Variants in SMYD3 observed in about 807,000 individuals in gnomAD.
SMYD3 encodes histone-lysine N-methyltransferase SMYD3.
In SMYD3, 36 loss-of-function variants were observed where a neutral mutation model predicts 57.7. The ratio of observed to expected loss-of-function variants is 0.62; its 90% CI spans 0.48 to 0.82. SMYD3 has a LOEUF of 0.82. Among genes scored for constraint, SMYD3 ranks in the 40% least tolerant of loss-of-function variants. The pLI is 0.00. For missense variants in SMYD3, 515 were observed against 538.8 expected (o/e 0.96, Z 0.44); for synonymous variants, 211 against 195.0 (o/e 1.08, Z -0.68).
rs112196022 is a variant in SMYD3 at position 246,146,707 on chromosome 1, T to A, written c.531+180494A>T. Among the ~76,000 whole-genome samples, 97 of 152,114 alleles carry A rather than the reference T, an allele frequency of 6.4e-4. 1 individual carries two copies. The highest frequency in any genetic ancestry group is 2.3e-3 in the African/African-American group (95 of 41,460). ...AGAAAGGAGGCAAACTGCCCAGGAA[T>A]CTAATAATGGGGCCTACACACCCAT... On this transcript the variant is annotated intron_variant, in intron 5 of 11. Coordinates refer to ENST00000490107, the MANE Select transcript of SMYD3 (RefSeq NM_001167740.2).
intron 5 of SMYD3, among the ~76,000 whole-genome samples, chr1:246,275,733 T>G (rs75092053): frequency 6.6e-6 from 1 of 151,316 alleles, no homozygotes; most frequent in African/African-American, 2.4e-5. Flanking sequence ...TTATTTAATG[T>G]CTCTAGTGGA....
chr1:246,250,040 C>T (rs2148497230), intron 5 of SMYD3, among the ~76,000 whole-genome samples: 1 of 152,244 alleles, frequency 6.6e-6, no homozygotes, highest in South Asian at 2.1e-4. Context: ...CAAACGCATT[C>T]CTTTCCCTCC....
intron 5 of SMYD3, among the ~76,000 whole-genome samples, chr1:245,941,973 A>G (rs2057261494): frequency 6.6e-6 from 1 of 152,222 alleles, no homozygotes; most frequent in Non-Finnish European, 1.5e-5. Flanking sequence ...GAGCTCCTAA[A>G]GGAAGCACTA....
In SMYD3 at chr1:246,175,038, A is replaced by G. The variant is rs552661790; in HGVS notation, c.531+152163T>C. 5.9e-5 allele frequency among the ~76,000 whole-genome samples: 9 copies of G among 152,336 alleles called. No homozygotes were observed. In the East Asian group the frequency reaches 1.7e-3, roughly 29 times the overall value. ...AAATATCATCAAATTATATCCTTAAATATACACATTTTATCATTTATACAA... is the reference window on the plus strand; with the variant it reads ...AAATATCATCAAATTATATCCTTAAGTATACACATTTTATCATTTATACAA... On this transcript the variant is annotated intron_variant, in intron 5 of 11. Coordinates refer to ENST00000490107, the MANE Select transcript of SMYD3 (RefSeq NM_001167740.2).
intron 5 of SMYD3, among the ~76,000 whole-genome samples, chr1:245,976,945 TCG>T (rs2058448150): frequency 2.1e-5 from 1 of 47,158 alleles, no homozygotes; most frequent in Non-Finnish European, 4.8e-5. Flanking sequence ...GGGAAAGCCA[TCG>T]TCTCTAGCCT....
At chr1:246,393,938 A>C (rs1192122649) in intron 1 of SMYD3, among the ~76,000 whole-genome samples, 6 of 152,204 alleles carry the variant, frequency 3.9e-5, no homozygotes, top group Admixed American at 1.3e-4. Context: ...TGAAAATTGA[A>C]AACTAGCATT....
At chr1:246,345,677 G>C (rs2065702894) in intron 2 of SMYD3, among the ~76,000 whole-genome samples, 1 of 152,118 alleles carries the variant, frequency 6.6e-6, no homozygotes, top group Non-Finnish European at 1.5e-5. Context: ...TTCTGACTAA[G>C]GAGAAGACTG....
intron 1 of SMYD3, among the ~76,000 whole-genome samples, chr1:246,373,197 C>A (rs1389570130): frequency 6.6e-6 from 1 of 151,588 alleles, no homozygotes; most frequent in East Asian, 1.9e-4. Flanking sequence ...TTATTTTTTC[C>A]ATTTTTCAGT....
chr1:246,147,999 G>C (rs572627341), intron 5 of SMYD3, among the ~76,000 whole-genome samples: 1 of 152,066 alleles, frequency 6.6e-6, no homozygotes, highest in Non-Finnish European at 1.5e-5. Flanking sequence ...ATCTCCGACC[G>C]GGGTTGGGGC....
intron 5 of SMYD3, among the ~76,000 whole-genome samples, chr1:246,242,662 A>G (rs2063634203): frequency 6.6e-6 from 1 of 152,156 alleles, no homozygotes; most frequent in Non-Finnish European, 1.5e-5. Context: ...CAAATTGGAT[A>G]AAGAGTCAAG....
intron 5 of SMYD3, among the ~76,000 whole-genome samples, chr1:246,213,022 G>A (rs927358078): frequency 1.3e-5 from 2 of 152,018 alleles, no homozygotes; most frequent in Non-Finnish European, 2.9e-5. Flanking sequence ...TATCATCCAG[G>A]GCAGGTGATG....
At chr1:246,117,312 A>G (rs7513243) in intron 5 of SMYD3, among the ~76,000 whole-genome samples, 24,807 of 152,082 alleles carry the variant, frequency 0.16, 3,620 homozygotes, top group African/African-American at 0.39. Flanking sequence ...ATTGCACAGC[A>G]CCTTCCGTTA....
chr1:246,435,532 C>T (rs1040252671), intron 1 of SMYD3, among the ~76,000 whole-genome samples: 4 of 151,644 alleles, frequency 2.6e-5, no homozygotes, highest in African/African-American at 7.3e-5. Flanking sequence ...TAGTGTGTTA[C>T]GCAAAGAGGT....
intron 10 of SMYD3, among the ~76,000 whole-genome samples, chr1:245,764,781 A>G (rs2045998746): frequency 6.6e-6 from 1 of 152,076 alleles, no homozygotes; most frequent in South Asian, 2.1e-4. Context: ...GAGGAACTCA[A>G]TCCATACTGG....
At chr1:245,960,330 G>C (rs950450113) in intron 5 of SMYD3, among the ~76,000 whole-genome samples, 1 of 152,202 alleles carries the variant, frequency 6.6e-6, no homozygotes, top group Non-Finnish European at 1.5e-5. Context: ...ACATGGCTTT[G>C]TTATCATTGG....
intron 5 of SMYD3, among the ~76,000 whole-genome samples, chr1:246,110,337 G>A (rs1284395149): frequency 6.6e-6 from 1 of 152,232 alleles, no homozygotes; most frequent in Non-Finnish European, 1.5e-5. Context: ...CCCATTGTTA[G>A]GTCCAGGGTC....
Position 245,803,567 on chromosome 1 carries a change from G to A in SMYD3, c.1077-39418C>T, listed in dbSNP as rs748542185. Reference sequence around the variant, plus strand: ...AGTGCAATGATGGTGGGAAGAAGATGGACGACAACTCAAATGCAAACCCCA... The same window carrying A: ...AGTGCAATGATGGTGGGAAGAAGATAGACGACAACTCAAATGCAAACCCCA... On this transcript the variant is annotated intron_variant, in intron 10 of 11. Transcript: ENST00000490107. Among the ~76,000 whole-genome samples, 6 of 152,140 alleles carry A rather than the reference G, an allele frequency of 3.9e-5. No homozygotes were observed. The South Asian group carries it at 1.2e-3, about 31-fold the overall frequency.
At chr1:246,260,429 G>T (rs114259448) in intron 5 of SMYD3, among the ~76,000 whole-genome samples, 1,976 of 151,140 alleles carry the variant, frequency 0.013, 53 homozygotes, top group African/African-American at 0.045. Flanking sequence ...TCCTTTTGTT[G>T]TTGTTGTTGT....
At chr1:246,105,329 G>T (rs1269864008) in intron 5 of SMYD3, among the ~76,000 whole-genome samples, 1 of 151,946 alleles carries the variant, frequency 6.6e-6, no homozygotes, top group African/African-American at 2.4e-5. Flanking sequence ...CGTTTAGGAG[G>T]ATGAAATTTT....
Sources: allele counts gnomAD v4.1 joint callset (sites outside exome capture counted in the v4.1 genomes callset), GRCh38; gene constraint gnomAD v4.1.1; transcripts MANE v1.5; gene names NCBI Gene and HGNC (gene_info 2026-07-23, HGNC 2026-07-21).